The following PPARGC1A variants were observed in gnomAD, a reference collection of about 807,000 sequenced individuals.
The protein encoded by PPARGC1A is peroxisome proliferator-activated receptor gamma coactivator 1-alpha.
PPARGC1A carries 25 observed loss-of-function variants against 88.7 expected under a neutral mutation model. That is an observed-to-expected ratio of 0.28 (90% CI 0.21 to 0.39). The LOEUF is 0.39. PPARGC1A is among the 10% of genes least tolerant of loss of function. The pLI is 1.00. For missense variants in PPARGC1A, 880 were observed against 968.7 expected (o/e 0.91, Z 1.22); for synonymous variants, 363 against 355.6 (o/e 1.02, Z -0.24).
At chr4:24,221,111 G>A in the PPARGC1A span, among the ~76,000 whole-genome samples, 1 of 152,096 alleles carries the variant, frequency 6.6e-6, no homozygotes, top group Non-Finnish European at 1.5e-5. Flanking sequence ...AGAAGACAGG[G>A]AATAACAAAA....
At chr4:24,313,169 G>A in the PPARGC1A span, among the ~76,000 whole-genome samples, 5 of 152,144 alleles carry the variant, frequency 3.3e-5, no homozygotes, top group Admixed American at 1.3e-4. Context: ...TCAGTGAATC[G>A]GTTAGACAAG....
the PPARGC1A span, among the ~76,000 whole-genome samples, chr4:24,339,538 G>C: frequency 6.6e-6 from 1 of 151,926 alleles, no homozygotes; most frequent in South Asian, 2.1e-4. Context: ...CAAAATCCTA[G>C]TTGTTCCCTG....
chr4:24,132,459 A>G, the PPARGC1A span, among the ~76,000 whole-genome samples: 1 of 152,170 alleles, frequency 6.6e-6, no homozygotes, highest in African/African-American at 2.4e-5. Flanking sequence ...ACAGTGCAGA[A>G]CTCTCGAGTA....
At position 23,868,630 on chromosome 4, in the gene PPARGC1A, C is replaced by G. The variant is rs183732546; in HGVS notation, c.234+16122G>C. ...TTACTTAGAAAGCTGAACCACAATT[C>G]GAAGGCCTTAACGAAAGAAAAAGAT... On this transcript the variant is annotated intron_variant, in intron 2 of 12. Coordinates refer to ENST00000264867, the MANE Select transcript of PPARGC1A (RefSeq NM_013261.5). Among the ~76,000 whole-genome samples the G allele has an allele frequency of 1.6e-3, 243 of 152,280 alleles. 1 individual carries two copies. The highest frequency in any genetic ancestry group is 3.4e-3 in the Middle Eastern group (1 of 292).
At chr4:24,185,326 G>A in the PPARGC1A span, among the ~76,000 whole-genome samples, 12 of 152,190 alleles carry the variant, frequency 7.9e-5, no homozygotes, top group African/African-American at 2.7e-4. Flanking sequence ...AAACAGAGAG[G>A]TGGATGATTT....
chr4:24,090,887 A>G, the PPARGC1A span, among the ~76,000 whole-genome samples: 4 of 152,226 alleles, frequency 2.6e-5, no homozygotes, highest in African/African-American at 9.6e-5. Flanking sequence ...ACGTATAAAC[A>G]TTACTGCTTT....
the PPARGC1A span, among the ~76,000 whole-genome samples, chr4:24,125,740 C>G: frequency 1.4e-4 from 22 of 152,196 alleles, no homozygotes; most frequent in South Asian, 4.0e-3. Context: ...AAGAGAGAGA[C>G]CTCATACCCC....
chr4:23,950,299 C>A, the PPARGC1A span, among the ~76,000 whole-genome samples: 1 of 152,052 alleles, frequency 6.6e-6, no homozygotes, highest in African/African-American at 2.4e-5. Flanking sequence ...TCTGTACCCA[C>A]CTCCTCTATA....
chr4:23,862,293 T>G (rs1345812933), intron 2 of PPARGC1A, among the ~76,000 whole-genome samples: 1 of 152,214 alleles, frequency 6.6e-6, no homozygotes, highest in Non-Finnish European at 1.5e-5. Flanking sequence ...CAGGGAACAC[T>G]TCCTGAATTT....
the PPARGC1A span, among the ~76,000 whole-genome samples, chr4:24,373,162 G>A: frequency 6.6e-6 from 1 of 152,210 alleles, no homozygotes. Context: ...GACTCCTGCG[G>A]CGTGAGCAGC....
chr4:24,112,099 A>C, the PPARGC1A span, among the ~76,000 whole-genome samples: 1 of 152,330 alleles, frequency 6.6e-6, no homozygotes, highest in African/African-American at 2.4e-5. Flanking sequence ...AAATGGGTAG[A>C]GTCTGTCCAT....
At chr4:23,859,561 C>T (rs1347866923) in intron 2 of PPARGC1A, among the ~76,000 whole-genome samples, 1 of 152,038 alleles carries the variant, frequency 6.6e-6, no homozygotes, top group East Asian at 1.9e-4. Context: ...GTGGGTGGAT[C>T]ACAAGGTCAG....
chr4:23,810,292 T>C (rs992502655), intron 10 of PPARGC1A, among the ~76,000 whole-genome samples: 10 of 152,204 alleles, frequency 6.6e-5, no homozygotes, highest in Non-Finnish European at 1.3e-4. Context: ...AAATGTCTAG[T>C]TAATGTAAAA....
chr4:23,832,483 A>G (rs995189831), intron 2 of PPARGC1A, among the ~76,000 whole-genome samples: 17 of 151,772 alleles, frequency 1.1e-4, no homozygotes, highest in African/African-American at 4.1e-4. Flanking sequence ...CTCTGGACGT[A>G]TTTTTACTCT....
chr4:23,817,997 G>A (rs895178234), intron 7 of PPARGC1A, among the ~76,000 whole-genome samples: 3 of 152,040 alleles, frequency 2.0e-5, no homozygotes, highest in Non-Finnish European at 2.9e-5. Context: ...CCTCACCTCC[G>A]CTACCCACAA....
the PPARGC1A span, among the ~76,000 whole-genome samples, chr4:23,927,890 G>T: frequency 6.6e-6 from 1 of 152,130 alleles, no homozygotes; most frequent in African/African-American, 2.4e-5. Context: ...AGCCAGTATG[G>T]AAATGGACTT....
chr4:23,949,958 G>A, the PPARGC1A span, among the ~76,000 whole-genome samples: 2 of 151,928 alleles, frequency 1.3e-5, no homozygotes, highest in South Asian at 2.1e-4. Flanking sequence ...TAATTTCATC[G>A]TGCACTAAAA....
the PPARGC1A span, among the ~76,000 whole-genome samples, chr4:24,391,445 A>C: frequency 6.7e-6 from 1 of 149,152 alleles, no homozygotes; most frequent in African/African-American, 2.6e-5. Context: ...CCCCAACTGA[A>C]AAAGGCTTTG....
the PPARGC1A span, among the ~76,000 whole-genome samples, chr4:23,967,170 G>A: frequency 6.6e-5 from 10 of 152,056 alleles, no homozygotes; most frequent in East Asian, 1.4e-3. Flanking sequence ...TACCCACATC[G>A]ATACTTACAG....
Sources: gnomAD v4.1 joint callset for allele counts (sites outside exome capture counted in the v4.1 genomes callset) on GRCh38, gnomAD v4.1.1 for gene constraint, MANE v1.5 for transcripts, NCBI Gene and HGNC (gene_info 2026-07-23, HGNC 2026-07-21) for gene names.